C1orf87: variants seen among roughly 807,000 people sequenced by gnomAD.
The protein encoded by C1orf87 is uncharacterized protein C1orf87.
C1orf87 carries 58 observed loss-of-function variants against 60.5 expected under a neutral mutation model. The observed-to-expected ratio is 0.96, with a 90% CI of 0.78 to 1.19. C1orf87 has a LOEUF of 1.19. Among genes scored for constraint, C1orf87 ranks in the 50% most tolerant of loss-of-function variants. The pLI, the probability that C1orf87 is intolerant of heterozygous loss-of-function variation, is 0.00. For synonymous variants in C1orf87, 236 were observed against 227.4 expected (o/e 1.04, Z -0.34); for missense variants, 673 against 638.6 (o/e 1.05, Z -0.58).
At chr1:60,052,938 G>A (rs1392988667) in intron 3 of C1orf87, among the ~76,000 whole-genome samples, 1 of 152,206 alleles carries the variant, frequency 6.6e-6, no homozygotes, top group African/African-American at 2.4e-5. Context: ...CTCCCACAAG[G>A]CCTTCCTTGT....
intron 2 of C1orf87, 25 bp downstream of exon 2, chr1:60,072,512 A>G: frequency 6.7e-7 from 1 of 1,487,986 alleles, no homozygotes; most frequent in Non-Finnish European, 9.2e-7. Flanking sequence ...CAAGCAACAT[A>G]GATATTTTTC....
At chr1:60,001,485 T>C (rs968395928) in intron 9 of C1orf87, among the ~76,000 whole-genome samples, 1 of 151,788 alleles carries the variant, frequency 6.6e-6, no homozygotes, top group African/African-American at 2.4e-5. Flanking sequence ...GTGGTGGGGG[T>C]TTCGGAGGAA....
intron 2 of C1orf87, among the ~76,000 whole-genome samples, chr1:60,066,491 T>C (rs1645546654): frequency 6.6e-6 from 1 of 152,166 alleles, no homozygotes; most frequent in African/African-American, 2.4e-5. Context: ...TATCATGAGA[T>C]TGCAGAAATT....
intron 3 of C1orf87, among the ~76,000 whole-genome samples, chr1:60,048,574 A>G (rs776825538): frequency 6.6e-6 from 1 of 152,210 alleles, no homozygotes; most frequent in Non-Finnish European, 1.5e-5. Flanking sequence ...TTTTCTTAAC[A>G]TATAATTTTA....
chr1:60,025,502 C>A lies in C1orf87; in HGVS notation c.1030-4G>T. On this transcript the variant is annotated splice_region_variant and splice_polypyrimidine_tract_variant and intron_variant, in intron 7 of 11. Transcript: ENST00000371201. ...GCTTCCCACATATAGCCCTGACCTA[C>A]AAGTTAAAAAAAAATAAAAAAGATT... The A allele has an allele frequency of 3.2e-6, 5 of 1,567,756 alleles. No homozygotes were observed. Among genetic ancestry groups the A allele is most frequent in the Admixed American group, 2.0e-5 (1 of 50,636 alleles).
intron 9 of C1orf87, among the ~76,000 whole-genome samples, chr1:60,003,506 G>A (rs980253473): frequency 6.6e-6 from 1 of 151,958 alleles, no homozygotes; most frequent in Non-Finnish European, 1.5e-5. Flanking sequence ...AAAGTGTAAA[G>A]CAAATACCTG....
At chr1:60,017,297 G>A (rs911954781) in intron 8 of C1orf87, among the ~76,000 whole-genome samples, 10 of 152,076 alleles carry the variant, frequency 6.6e-5, no homozygotes, top group East Asian at 3.9e-4. Context: ...TCCTATTCCC[G>A]TCAGAAGTAA....
chr1:60,054,046 A>G (rs900544829), intron 3 of C1orf87, among the ~76,000 whole-genome samples: 1 of 152,236 alleles, frequency 6.6e-6, no homozygotes, highest in African/African-American at 2.4e-5. Context: ...CAACAAATAT[A>G]TTAATGCCAG....
chr1:60,011,856 C>A lies in C1orf87; in HGVS notation c.1128-1400G>T, dbSNP rs377513798. ...TCAGGGTAAGTATCACAATATTGGG[C>A]TTTGAACATGTGACCTCCAGAGTTT... is the stretch of plus-strand genomic sequence containing the variant. On this transcript the variant is annotated intron_variant, in intron 8 of 11. Transcript: ENST00000371201. 3.4e-4 allele frequency among the ~76,000 whole-genome samples: 52 copies of A among 152,112 alleles called. 1 individual carries two copies. The highest frequency in any genetic ancestry group is 1.1e-3 in the African/African-American group (47 of 41,510).
intron 2 of C1orf87, among the ~76,000 whole-genome samples, chr1:60,061,679 C>G (rs528991982): frequency 6.8e-6 from 1 of 146,202 alleles, no homozygotes; most frequent in Non-Finnish European, 1.5e-5. Flanking sequence ...GTGGCTCACA[C>G]GTATAATCTC....
intron 3 of C1orf87, among the ~76,000 whole-genome samples, chr1:60,044,405 G>A (rs190379123): frequency 1.5e-3 from 235 of 152,300 alleles, no homozygotes; most frequent in Non-Finnish European, 2.6e-3. Flanking sequence ...TGAAGAATGA[G>A]TGTTATGTAT....
chr1:60,030,825 C>T (rs1645232770), intron 7 of C1orf87, among the ~76,000 whole-genome samples: 1 of 152,166 alleles, frequency 6.6e-6, no homozygotes, highest in African/African-American at 2.4e-5. Context: ...GCTAGAGGAA[C>T]AGGATGAGTG....
At chr1:60,031,403 C>G (rs144845967) in intron 7 of C1orf87, among the ~76,000 whole-genome samples, 42 of 152,310 alleles carry the variant, frequency 2.8e-4, no homozygotes, top group African/African-American at 9.9e-4. Flanking sequence ...TTCCTTGGAT[C>G]TGAACCATAA....
chr1:59,994,178 G>C lies in C1orf87; in HGVS notation c.1481-3345C>G, dbSNP rs1319424527. ...GTTTTATTATTATCAGTTTTACTTT[G>C]TAGATGAGGAAACAGGTGAAGAGAA... On this transcript the variant is annotated intron_variant, in intron 11 of 11. Transcript: ENST00000371201. Among the ~76,000 whole-genome samples the C allele has an allele frequency of 2.0e-5, 3 of 151,938 alleles. No individual in the cohort carries two copies. In the East Asian group the frequency reaches 5.8e-4, roughly 29 times the overall value.
chr1:60,064,458 CTATTA>C (rs1360586659), intron 2 of C1orf87, among the ~76,000 whole-genome samples: 1 of 138,376 alleles, frequency 7.2e-6, no homozygotes, highest in African/African-American at 2.7e-5. Context: ...ATACTGTAGT[CTATTA>C]TGTGTGCAAT....
At chr1:59,998,025 G>A (rs1356203003) in intron 10 of C1orf87, among the ~76,000 whole-genome samples, 1 of 152,194 alleles carries the variant, frequency 6.6e-6, no homozygotes, top group Non-Finnish European at 1.5e-5. Flanking sequence ...TGTGTCTAAA[G>A]AGAAGGGTGA....
intron 9 of C1orf87, among the ~76,000 whole-genome samples, chr1:60,003,525 C>T (rs937777850): frequency 2.6e-5 from 4 of 151,942 alleles, no homozygotes; most frequent in Admixed American, 1.3e-4. Flanking sequence ...TGAAACACAG[C>T]GACTGTTCAG....
At chr1:60,040,961 A>T in intron 4 of C1orf87, 30 bp downstream of exon 4, 1 of 1,565,004 alleles carries the variant, frequency 6.4e-7, no homozygotes, top group Non-Finnish European at 8.7e-7. Context: ...TCTACAATAG[A>T]CACAACTCAA....
At position 60,039,897 on chromosome 1, in the gene C1orf87, C is replaced by T. The variant is rs1245048030; in HGVS notation, c.747+20G>A. 1.9e-6 allele frequency: 3 copies of T among 1,605,896 alleles called. No homozygotes were observed. The highest frequency in any genetic ancestry group is 4.5e-5 in the East Asian group (2 of 44,834). ...AGGAAACAAAAGGAACCCACACTTC[C>T]AATAGTACAATTGCCATACCATTTC... is the stretch of plus-strand genomic sequence containing the variant. On this transcript the variant is annotated intron_variant, in intron 5 of 11. Coordinates refer to ENST00000371201, the MANE Select transcript of C1orf87 (RefSeq NM_152377.3).
Sources: allele counts gnomAD v4.1 joint callset (sites outside exome capture counted in the v4.1 genomes callset), GRCh38; gene constraint gnomAD v4.1.1; transcripts MANE v1.5; gene names NCBI Gene and HGNC (gene_info 2026-07-23, HGNC 2026-07-21).